Variants in SCAF8 observed in about 807,000 individuals in gnomAD.
SCAF8 encodes the protein SR-related and CTD-associated factor 8.
SCAF8 carries 23 observed loss-of-function variants against 140.5 expected under a neutral mutation model. The observed-to-expected ratio is 0.16, with a 90% CI of 0.12 to 0.23. The LOEUF (loss-of-function observed/expected upper bound fraction) is 0.23, where lower values mean the gene tolerates loss of function less well. SCAF8 is among the 10% of genes least tolerant of loss of function. SCAF8 has a pLI of 1.00. For synonymous variants in SCAF8, 575 were observed against 528.9 expected (o/e 1.09, Z -1.20); for missense variants, 1,397 against 1,555.7 (o/e 0.90, Z 1.72).
At chr6:154,793,441 AT>A (rs1281591948) in intron 5 of SCAF8, among the ~76,000 whole-genome samples, 1 of 151,724 alleles carries the variant, frequency 6.6e-6, no homozygotes, top group Non-Finnish European at 1.5e-5. Context: ...ATTTTTTGAA[AT>A]TTTTATGAAA....
At chr6:154,769,086 A>T (rs1177093065) in intron 1 of SCAF8, among the ~76,000 whole-genome samples, 1 of 136,018 alleles carries the variant, frequency 7.4e-6, no homozygotes, top group Non-Finnish European at 1.6e-5. Context: ...AAAAAAAAAA[A>T]TCACATATAA....
rs9478586 is a variant in SCAF8, at chr6:154,807,810, A to G, written c.982-260A>G. On this transcript the variant is annotated intron_variant, in intron 9 of 19. Coordinates refer to ENST00000367178, the MANE Select transcript of SCAF8 (RefSeq NM_014892.5). ...GTCCTCTGTAGTTTATATTTTCACA[A>G]TTGAAAATTTACTTGATTTTACCAT... 0.42 allele frequency among the ~76,000 whole-genome samples: 64,241 copies of G among 152,102 alleles called. 14,547 individuals are homozygous for G. The highest frequency in any genetic ancestry group is 0.9 in the East Asian group (4,678 of 5,188).
intron 2 of SCAF8, among the ~76,000 whole-genome samples, chr6:154,774,887 G>A (rs1054255145): frequency 1.3e-5 from 2 of 151,978 alleles, no homozygotes; most frequent in African/African-American, 2.4e-5. Flanking sequence ...ATTTTTCCCC[G>A]AGAAGTTCTT....
intron 1 of SCAF8, among the ~76,000 whole-genome samples, chr6:154,768,594 G>A (rs1321842999): frequency 1.3e-5 from 2 of 152,126 alleles, no homozygotes; most frequent in African/African-American, 2.4e-5. Context: ...TGTGAATGGC[G>A]CTATGTATGT....
chr6:154,820,293 T>C lies in SCAF8; in HGVS notation c.1752T>C (p.Phe584=), dbSNP rs568682561. 8 of 1,612,028 alleles carry C rather than the reference T, an allele frequency of 5.0e-6. No homozygotes were observed. The Admixed American group carries it at 5.1e-5, about 10-fold the overall frequency. Residue 584 remains phenylalanine (F), a synonymous_variant, in exon 15 of 20, where the codon TTT becomes TTC. Transcript: ENST00000367178. ...EKVKVDDLEG[F]AEGGMIDQET... is the part of the protein sequence containing the mutation. ...TTAAAGTGGATGACTTGGAAGGTTT[T>C]GCAGAAGGAGGCATGATTGATCAGG... is the stretch of plus-strand genomic sequence containing the variant.
chr6:154,767,376 A>G (rs1299771631), intron 1 of SCAF8, among the ~76,000 whole-genome samples: 1 of 143,542 alleles, frequency 7.0e-6, no homozygotes, highest in Non-Finnish European at 1.5e-5. Flanking sequence ...TCTTTGTGGT[A>G]TTTTTTTTTT....
chr6:154,772,787 C>G (rs1405391484), intron 1 of SCAF8, among the ~76,000 whole-genome samples: 2 of 152,188 alleles, frequency 1.3e-5, no homozygotes, highest in East Asian at 3.9e-4. Flanking sequence ...GACAGAGTCT[C>G]CCTCTGGAGT....
At chr6:154,735,624 C>G (rs1320452496) in intron 1 of SCAF8, among the ~76,000 whole-genome samples, 3 of 149,454 alleles carry the variant, frequency 2.0e-5, no homozygotes, top group African/African-American at 7.4e-5. Flanking sequence ...AGCGATTCTT[C>G]TGCCTCAGTG....
chr6:154,733,768 G>C lies in SCAF8; in HGVS notation c.-133G>C. 4 of 1,365,098 alleles carry C rather than the reference G, an allele frequency of 2.9e-6. No individual in the cohort carries two copies. Among genetic ancestry groups the C allele is most frequent in the Non-Finnish European group, 3.8e-6 (4 of 1,063,224 alleles). 84.6% of individuals were successfully genotyped at this position (1,365,098 alleles called of 1,614,324 possible). A position where few individuals can be genotyped will look rare whatever the true frequency, so the allele number is the denominator to read the frequency against. On this transcript the variant is annotated 5_prime_UTR_variant, in exon 1 of 20. Transcript: ENST00000367178. ...CGCGTGCCCTTCCACTCCGCCCCGA[G>C]GTCGCAGCGGCCCGCTCTCCCGCCA...
At chr6:154,772,762 G>GT (rs1255203556) in intron 1 of SCAF8, among the ~76,000 whole-genome samples, 1 of 151,714 alleles carries the variant, frequency 6.6e-6, no homozygotes, top group South Asian at 2.1e-4. Context: ...CCCTTTTTTT[G>GT]TTTTTTCTTT....
Position 154,808,881 on chromosome 6 carries a change from GT to G in SCAF8, c.1226+86del, listed in dbSNP as rs1778004367. The G allele has an allele frequency of 1.2e-5, 11 of 880,118 alleles. No individual in the cohort carries two copies. The South Asian group carries it at 1.6e-4, about 13-fold the overall frequency. 54.5% of individuals were successfully genotyped at this position (880,118 alleles called of 1,614,324 possible). On this transcript the variant is annotated intron_variant, in intron 11 of 19. Coordinates refer to ENST00000367178, the MANE Select transcript of SCAF8 (RefSeq NM_014892.5). Reference sequence around the variant, plus strand: ...TCTTTGCATCAGGATGAAAGGAAATGTTTCCTTGGGATGACATATTTTTTCT... The same window carrying G: ...TCTTTGCATCAGGATGAAAGGAAATGTTCCTTGGGATGACATATTTTTTCT...
chr6:154,784,362 A>G lies in SCAF8; in HGVS notation c.160-3499A>G, dbSNP rs190239022. Reference sequence around the variant, plus strand: ...CCCTAGGATATTTTAGATCAACACAAGTTCCACACTTTTTAAATTTACATT... The same window carrying G: ...CCCTAGGATATTTTAGATCAACACAGGTTCCACACTTTTTAAATTTACATT... On this transcript the variant is annotated intron_variant, in intron 3 of 19. Coordinates refer to ENST00000367178, the MANE Select transcript of SCAF8 (RefSeq NM_014892.5). Among the ~76,000 whole-genome samples, 482 of 152,038 alleles carry G rather than the reference A, an allele frequency of 3.2e-3. 4 individuals carry two copies. Among genetic ancestry groups the G allele is most frequent in the Non-Finnish European group, 5.9e-3 (398 of 67,998 alleles).
In SCAF8 at chr6:154,831,027, C is replaced by A. The variant is rs200959548; in HGVS notation, c.2246C>A (p.Ser749Tyr). Reference sequence around the variant, plus strand: ...TCTGTTGCCAGCAATCTTGCTACTTCCGCTCTGCCAGCTGGAAATGTTTTT... The same window carrying A: ...TCTGTTGCCAGCAATCTTGCTACTTACGCTCTGCCAGCTGGAAATGTTTTT... ...GGSVASNLAT[S>Y]ALPAGNVFNA... The change falls in exon 19 of 20, where the codon TCC (serine) becomes TAC (tyrosine). Residue 749 changes from serine to tyrosine, a missense_variant. Physicochemically the swap from Ser to Tyr is moderately radical, Grantham distance 144. This residue lies in a region of SCAF8 where 930 missense variants were observed against 874.6 expected (regional missense o/e 1.06). Transcript: ENST00000367178. 4.8e-5 allele frequency: 77 copies of A among 1,613,882 alleles called. 1 individual carries two copies. The highest frequency in any genetic ancestry group is 7.6e-6 in the Non-Finnish European group (9 of 1,179,912).
chr6:154,796,389 C>CTCTCTCTCTCTCTCTCTCTCTGTCTG lies in SCAF8; in HGVS notation c.606+1253_606+1254insCTCTCTCTCTCTCTCTCTGTCTGTCT, dbSNP rs376622207. Among the ~76,000 whole-genome samples the CTCTCTCTCTCTCTCTCTCTCTGTCTG allele has an allele frequency of 1.6e-3, 225 of 141,022 alleles. 6 individuals are homozygous for CTCTCTCTCTCTCTCTCTCTCTGTCTG. Among genetic ancestry groups the CTCTCTCTCTCTCTCTCTCTCTGTCTG allele is most frequent in the East Asian group, 5.8e-3 (26 of 4,500 alleles). The allele number at this position is 141,022 out of a possible 152,430, so 92.5% of individuals were successfully genotyped here. A position where few individuals can be genotyped will look rare whatever the true frequency, so the allele number is the denominator to read the frequency against. On this transcript the variant is annotated intron_variant, in intron 6 of 19. Transcript: ENST00000367178. ...TCTCTCTCTCTCTCTCTCTCTCTCT[C>CTCTCTCTCTCTCTCTCTCTCTGTCTG]TCTGTCTCTCTCTTTTTCTGACCCT...
chr6:154,757,112 C>CA (rs969687823), intron 1 of SCAF8, among the ~76,000 whole-genome samples: 1 of 152,036 alleles, frequency 6.6e-6, no homozygotes, highest in African/African-American at 2.4e-5. Flanking sequence ...TGGGTTCAAG[C>CA]AATCCTCCTG....
intron 1 of SCAF8, among the ~76,000 whole-genome samples, chr6:154,752,678 T>A (rs1778867046): frequency 6.6e-6 from 1 of 152,230 alleles, no homozygotes; most frequent in Non-Finnish European, 1.5e-5. Context: ...GGGAAATAGT[T>A]GAACAAACAG....
At chr6:154,800,614 A>G (rs1277067002) in intron 6 of SCAF8, among the ~76,000 whole-genome samples, 5 of 151,308 alleles carry the variant, frequency 3.3e-5, no homozygotes, top group Admixed American at 2.6e-4. Context: ...GAGACAGAAT[A>G]TCTTTCTTTT....
Position 154,733,841 on chromosome 6 carries a change from A to T in SCAF8, c.-60A>T, listed in dbSNP as rs751230996. 1.3e-6 allele frequency: 2 copies of T among 1,532,354 alleles called. No homozygotes were observed. Among genetic ancestry groups the T allele is most frequent in the South Asian group, 2.4e-5 (2 of 81,736 alleles). 94.9% of individuals were successfully genotyped at this position (1,532,354 alleles called of 1,614,324 possible). A position where few individuals can be genotyped will look rare whatever the true frequency, so the allele number is the denominator to read the frequency against. ...CAGCAGCCCGCGTCTCGCTCTCCCC[A>T]CCCAGTGCAGTGGCCGCCGCCTCTT... On this transcript the variant is annotated 5_prime_UTR_variant, in exon 1 of 20. Coordinates refer to ENST00000367178, the MANE Select transcript of SCAF8 (RefSeq NM_014892.5).
At chr6:154,741,730 G>T (rs149962374) in intron 1 of SCAF8, among the ~76,000 whole-genome samples, 242 of 152,272 alleles carry the variant, frequency 1.6e-3, no homozygotes, top group African/African-American at 5.6e-3. Context: ...TTCAGAAGGG[G>T]TATCAGTGGC....
Sources: allele counts gnomAD v4.1 joint callset (sites outside exome capture counted in the v4.1 genomes callset), GRCh38; gene constraint gnomAD v4.1.1; regional missense constraint gnomAD v4.1.1; transcripts MANE v1.5; gene names NCBI Gene and HGNC (gene_info 2026-07-23, HGNC 2026-07-21).